Variants in RAB38 observed in about 807,000 individuals in gnomAD.
The protein encoded by RAB38 is ras-related protein Rab-38.
Under a neutral mutation model 18.4 loss-of-function variants are expected in RAB38, and 15 were observed. The ratio of observed to expected loss-of-function variants is 0.82; its 90% CI spans 0.55 to 1.26. RAB38 has a LOEUF of 1.26. RAB38 is among the 50% of genes most tolerant of loss of function. RAB38 has a pLI of 0.00. For missense variants in RAB38, 294 were observed against 267.4 expected (o/e 1.10, Z -0.69); for synonymous variants, 101 against 104.4 (o/e 0.97, Z 0.20).
the RAB38 span, among the ~76,000 whole-genome samples, chr11:87,858,269 A>C: frequency 6.6e-6 from 1 of 152,070 alleles, no homozygotes; most frequent in African/African-American, 2.4e-5. Context: ...TTGGCCTACA[A>C]TGCCGGGTGG....
At chr11:88,078,196 C>A in the RAB38 span, among the ~76,000 whole-genome samples, 19,996 of 151,914 alleles carry the variant, frequency 0.13, 1,439 homozygotes, top group Admixed American at 0.2. Context: ...GAAAAAGGAA[C>A]CCTCATACAT....
At chr11:87,805,702 C>T in the RAB38 span, among the ~76,000 whole-genome samples, 1 of 151,348 alleles carries the variant, frequency 6.6e-6, no homozygotes, top group Admixed American at 6.6e-5. Flanking sequence ...TATACACATA[C>T]ATATATGTGT....
At chr11:88,092,136 T>C in the RAB38 span, among the ~76,000 whole-genome samples, 10 of 151,720 alleles carry the variant, frequency 6.6e-5, no homozygotes, top group Admixed American at 6.6e-4. Flanking sequence ...TGGTTTCTAC[T>C]GAGTTTCTTT....
chr11:88,040,022 G>T, the RAB38 span, among the ~76,000 whole-genome samples: 17 of 152,156 alleles, frequency 1.1e-4, no homozygotes, highest in Non-Finnish European at 4.4e-5. Flanking sequence ...TTCTTGTTTA[G>T]CCTAGAAGCA....
At chr11:88,150,375 A>G (rs937146974) in intron 1 of RAB38, among the ~76,000 whole-genome samples, 3 of 152,260 alleles carry the variant, frequency 2.0e-5, no homozygotes, top group African/African-American at 7.2e-5. Flanking sequence ...ATAATGAAAC[A>G]TATCCATCAG....
the RAB38 span, among the ~76,000 whole-genome samples, chr11:88,008,510 G>A: frequency 0.012 from 1,782 of 152,190 alleles, 40 homozygotes; most frequent in African/African-American, 0.04. Context: ...TGGAAGTGAA[G>A]CCAGCAATCT....
At chr11:88,124,922 C>T (rs1271413389) in intron 2 of RAB38, among the ~76,000 whole-genome samples, 1 of 152,180 alleles carries the variant, frequency 6.6e-6, no homozygotes, top group Non-Finnish European at 1.5e-5. Flanking sequence ...ACAATCCATG[C>T]TTTAATTTGC....
At chr11:87,969,237 C>T in the RAB38 span, among the ~76,000 whole-genome samples, 136 of 152,246 alleles carry the variant, frequency 8.9e-4, no homozygotes, top group African/African-American at 3.2e-3. Flanking sequence ...AGAAGATCCT[C>T]ATCTTACACA....
the RAB38 span, among the ~76,000 whole-genome samples, chr11:87,952,785 TTTAC>T: frequency 6.6e-6 from 1 of 152,194 alleles, no homozygotes; most frequent in African/African-American, 2.4e-5. Flanking sequence ...CTTTTTGTCT[TTTAC>T]ATGTTTGTCT....
the RAB38 span, among the ~76,000 whole-genome samples, chr11:88,023,820 GCTGGGAAAACTGGATATCC>G: frequency 6.6e-6 from 1 of 152,122 alleles, no homozygotes; most frequent in Non-Finnish European, 1.5e-5. Context: ...AATAAATGAT[GCTGGGAAAACTGGATATCC>G]CTATATAAAA....
chr11:88,052,915 TATA>T, the RAB38 span, among the ~76,000 whole-genome samples: 3 of 18,922 alleles, frequency 1.6e-4, no homozygotes, highest in South Asian at 3.5e-3. Flanking sequence ...TATATATATA[TATA>T]TATATATATA....
chr11:88,151,005 C>G (rs1377193233), intron 1 of RAB38, among the ~76,000 whole-genome samples: 1 of 152,114 alleles, frequency 6.6e-6, no homozygotes, highest in Non-Finnish European at 1.5e-5. Flanking sequence ...AAAAGCTCTC[C>G]TACAGCAAAA....
chr11:87,848,530 G>A, the RAB38 span, among the ~76,000 whole-genome samples: 3 of 151,184 alleles, frequency 2.0e-5, no homozygotes, highest in Admixed American at 6.6e-5. Context: ...ATTCTATTTC[G>A]CTCTCATTGG....
At chr11:88,168,036 T>C (rs1167062268) in intron 1 of RAB38, among the ~76,000 whole-genome samples, 10 of 152,150 alleles carry the variant, frequency 6.6e-5, no homozygotes. Flanking sequence ...ACTCAAAACA[T>C]CTATTCTCAA....
chr11:88,053,899 G>T, the RAB38 span, among the ~76,000 whole-genome samples: 1 of 151,606 alleles, frequency 6.6e-6, no homozygotes, highest in African/African-American at 2.4e-5. Context: ...TGTCATTGCT[G>T]CTCATACAGC....
At chr11:88,014,941 G>A in the RAB38 span, among the ~76,000 whole-genome samples, 1 of 152,112 alleles carries the variant, frequency 6.6e-6, no homozygotes, top group African/African-American at 2.4e-5. Flanking sequence ...GAAAGTTGTG[G>A]AGACACAACA....
At chr11:88,005,172 A>G in the RAB38 span, among the ~76,000 whole-genome samples, 1 of 151,618 alleles carries the variant, frequency 6.6e-6, no homozygotes, top group African/African-American at 2.4e-5. Flanking sequence ...AAAAACTCAG[A>G]ATAACAAAAC....
chr11:88,140,564 A>C (rs1274959826), intron 2 of RAB38, among the ~76,000 whole-genome samples: 1 of 152,186 alleles, frequency 6.6e-6, no homozygotes, highest in Non-Finnish European at 1.5e-5. Context: ...AATCATCTTA[A>C]CATAGCATGG....
At chr11:88,084,131 G>A in the RAB38 span, among the ~76,000 whole-genome samples, 1 of 151,780 alleles carries the variant, frequency 6.6e-6, no homozygotes, top group Non-Finnish European at 1.5e-5. Context: ...TGAATTGGAT[G>A]GGGGGAGTAA....
Sources: gnomAD v4.1 joint callset for allele counts (sites outside exome capture counted in the v4.1 genomes callset) on GRCh38, gnomAD v4.1.1 for gene constraint, MANE v1.5 for transcripts, NCBI Gene and HGNC (gene_info 2026-07-23, HGNC 2026-07-21) for gene names.